Variants in PPP1R3D observed in about 807,000 individuals in gnomAD.
The protein encoded by PPP1R3D is PP1 subunit R6.
PPP1R3D carries 27 observed loss-of-function variants against 16.3 expected under a neutral mutation model. The ratio of observed to expected loss-of-function variants is 1.66; its 90% CI spans 1.22 to 2.29. The LOEUF (loss-of-function observed/expected upper bound fraction) is 2.29. Ranked by LOEUF, PPP1R3D falls within the 30% of genes most tolerant of loss-of-function variation. The pLI is 0.00. For synonymous variants in PPP1R3D, 223 were observed against 209.7 expected (o/e 1.06, Z -0.55); for missense variants, 472 against 438.3 (o/e 1.08, Z -0.69).
rs1601042291 is a variant in PPP1R3D, at chr20:59,939,882, CG to C, written c.49del (p.Arg17GlyfsTer322). 1 of 1,250,836 alleles carries C rather than the reference CG, an allele frequency of 8.0e-7. No homozygotes were observed. The highest frequency in any genetic ancestry group is 3.1e-5 in the East Asian group (1 of 31,930). The allele number at this position is 1,250,836 out of a possible 1,614,324, so 77.5% of individuals were successfully genotyped here. A position where few individuals can be genotyped will look rare whatever the true frequency, so the allele number is the denominator to read the frequency against. On this transcript the variant is annotated frameshift_variant, in exon 1 of 1. Transcript: ENST00000370996. LOFTEE classifies it high-confidence loss of function. ...GCTGAGGCTCCGGGGGCCGAGCTTCCGGGATCCCAGGGCGCTAGGCAGGACC... is the reference window on the plus strand; with the variant it reads ...GCTGAGGCTCCGGGGGCCGAGCTTCCGGATCCCAGGGCGCTAGGCAGGACC... ...SAVLPSALGS[R>X]KLGPRSLSCL... is the part of the protein sequence containing the mutation.
rs1332466912 is a variant in PPP1R3D at position 59,938,026 on chromosome 20, C to T, written c.*1006G>A. 6.6e-6 allele frequency: 1 copy of T among 152,202 alleles called. No individual in the cohort carries two copies. The highest frequency in any genetic ancestry group is 1.5e-5 in the Non-Finnish European group (1 of 68,032). The allele number at this position is 152,202 out of a possible 1,614,324, so 9.4% of individuals were successfully genotyped here. ...TTGCTGAAAACACCTTCTAGTTCCA[C>T]CTTGTAACTGGACTCCCAAAAGATG... On this transcript the variant is annotated 3_prime_UTR_variant, in exon 1 of 1. Transcript: ENST00000370996.
rs2060866994 is a variant in PPP1R3D, at chr20:59,937,073, C to T, written c.*1959G>A. On this transcript the variant is annotated 3_prime_UTR_variant, in exon 1 of 1. Transcript: ENST00000370996. ...TAATGTTGGTATTTTTTAAAAGGCA[C>T]GGGAGGTTCACTTAATATTAAATAT... is the stretch of plus-strand genomic sequence containing the variant. The T allele has an allele frequency of 1.3e-5, 2 of 152,520 alleles. No homozygotes were observed. Among genetic ancestry groups the T allele is most frequent in the Admixed American group, 6.5e-5 (1 of 15,272 alleles). The allele number at this position is 152,520 out of a possible 1,614,324, so 9.4% of individuals were successfully genotyped here.
rs1402302860 is a variant in PPP1R3D, at chr20:59,939,083, C to T, written c.849G>A (p.Ala283=). The part of the protein sequence containing the change: ...RDYSLTCRNH[A]LHMPRGECEE... ...CGCACTCCCCGCGAGGCATGTGCAG[C>T]GCGTGGTTGCGACATGTGAGGCTGT... Residue 283 remains alanine, a synonymous_variant, in exon 1 of 1, where the codon GCG becomes GCA. Transcript: ENST00000370996. 6.3e-7 allele frequency: 1 copy of T among 1,587,764 alleles called. No homozygotes were observed. Among genetic ancestry groups the T allele is most frequent in the Non-Finnish European group, 8.5e-7 (1 of 1,170,670 alleles).
chr20:59,937,653 GTCCT>G lies in PPP1R3D; in HGVS notation c.*1375_*1378del, dbSNP rs2060869960. 6.7e-6 allele frequency: 1 copy of G among 149,952 alleles called. No homozygotes were observed. The highest frequency in any genetic ancestry group is 1.5e-5 in the Non-Finnish European group (1 of 67,826). 9.3% of individuals were successfully genotyped at this position (149,952 alleles called of 1,614,324 possible). The stretch of plus-strand genomic sequence containing the variant: ...ATAAGCTTCACAAATTGGAGATCTT[GTCCT>G]TCCTGGCTGTTTTTTTTTTTTTCCC... On this transcript the variant is annotated 3_prime_UTR_variant, in exon 1 of 1. Coordinates refer to ENST00000370996, the MANE Select transcript of PPP1R3D (RefSeq NM_006242.4).
Position 59,939,810 on chromosome 20 carries a change from C to CA in PPP1R3D, c.121dup (p.Cys41LeufsTer2). 1 of 1,234,176 alleles carries CA rather than the reference C, an allele frequency of 8.1e-7. No homozygotes were observed. Among genetic ancestry groups the CA allele is most frequent in the Non-Finnish European group, 1.0e-6 (1 of 989,636 alleles). The allele number at this position is 1,234,176 out of a possible 1,614,324, so 76.5% of individuals were successfully genotyped here. On this transcript the variant is annotated frameshift_variant, in exon 1 of 1. Transcript: ENST00000370996. LOFTEE classifies it high-confidence loss of function. Reference sequence around the variant, plus strand: ...GCGGCCCGGGCTCCCAGGGGGCCTACAGGCCCGCGGCTCCAGGGCCACGCC... The same window carrying CA: ...GCGGCCCGGGCTCCCAGGGGGCCTACAAGGCCCGCGGCTCCAGGGCCACGCC...
rs919902603 is a variant in PPP1R3D, at chr20:59,936,816, T to C, written c.*2216A>G. The C allele has an allele frequency of 2.6e-5, 4 of 152,264 alleles. No individual in the cohort carries two copies. Among genetic ancestry groups the C allele is most frequent in the African/African-American group, 9.7e-5 (4 of 41,450 alleles). 9.4% of individuals were successfully genotyped at this position (152,264 alleles called of 1,614,324 possible). ...ACAAGAAAAACATACTGAAGCATAATAGAATGGCTCACAACTGTTTTTGCA... is the reference window on the plus strand; with the variant it reads ...ACAAGAAAAACATACTGAAGCATAACAGAATGGCTCACAACTGTTTTTGCA... On this transcript the variant is annotated 3_prime_UTR_variant, in exon 1 of 1. Transcript: ENST00000370996.
chr20:59,939,791 CG>C lies in PPP1R3D; in HGVS notation c.140del (p.Pro47ArgfsTer292). On this transcript the variant is annotated frameshift_variant, in exon 1 of 1. Coordinates refer to ENST00000370996, the MANE Select transcript of PPP1R3D (RefSeq NM_006242.4). LOFTEE classifies it high-confidence loss of function. ...CTGGCGTTGGCGGCGGCGCGCGGCC[CG>C]GGCTCCCAGGGGGCCTACAGGCCCG... ...EPRACRPPGS[P>X]GRAPPPTPAP... is the part of the protein sequence containing the mutation. 8.1e-7 allele frequency: 1 copy of C among 1,227,706 alleles called. No individual in the cohort carries two copies. Among genetic ancestry groups the C allele is most frequent in the African/African-American group, 1.6e-5 (1 of 64,160 alleles). The allele number at this position is 1,227,706 out of a possible 1,614,324, so 76.1% of individuals were successfully genotyped here. A position where few individuals can be genotyped will look rare whatever the true frequency, so the allele number is the denominator to read the frequency against.
In PPP1R3D at chr20:59,939,199, AG is replaced by A. The variant is rs1350459415; in HGVS notation, c.732del (p.Phe245SerfsTer94). On this transcript the variant is annotated frameshift_variant, in exon 1 of 1. Transcript: ENST00000370996. LOFTEE classifies it high-confidence loss of function. ...DVFTFGFPVP[P>X]FLLELGSRVH... is the part of the protein sequence containing the mutation. ...ACGCGGGAGCCGAGCTCCAGCAGGA[AG>A]GGCGGTACTGGAAAGCCGAAGGTGA... The A allele has an allele frequency of 6.2e-7, 1 of 1,608,808 alleles. No individual in the cohort carries two copies. Among genetic ancestry groups the A allele is most frequent in the Non-Finnish European group, 8.5e-7 (1 of 1,176,520 alleles).
chr20:59,938,959 G>T lies in PPP1R3D; in HGVS notation c.*73C>A. The stretch of plus-strand genomic sequence containing the variant: ...TGGTGAAGAACAACCAGATAGATGT[G>T]AGAGCCCAGCAGGGAAATGACAGGA... On this transcript the variant is annotated 3_prime_UTR_variant, in exon 1 of 1. Coordinates refer to ENST00000370996, the MANE Select transcript of PPP1R3D (RefSeq NM_006242.4). 7.2e-7 allele frequency: 1 copy of T among 1,389,812 alleles called. No homozygotes were observed. The allele number at this position is 1,389,812 out of a possible 1,614,324, so 86.1% of individuals were successfully genotyped here.
chr20:59,938,827 T>A lies in PPP1R3D; in HGVS notation c.*205A>T. 5.5e-6 allele frequency: 2 copies of A among 365,480 alleles called. No homozygotes were observed. Among genetic ancestry groups the A allele is most frequent in the Non-Finnish European group, 9.4e-6 (2 of 212,590 alleles). 22.6% of individuals were successfully genotyped at this position (365,480 alleles called of 1,614,324 possible). On this transcript the variant is annotated 3_prime_UTR_variant, in exon 1 of 1. Transcript: ENST00000370996. Reference sequence around the variant, plus strand: ...TACACAACTCGGCCTTCTGGCCACCTGAGGCTACTTTTTAGACCAAGTGAC... The same window carrying A: ...TACACAACTCGGCCTTCTGGCCACCAGAGGCTACTTTTTAGACCAAGTGAC...
chr20:59,939,355 C>T lies in PPP1R3D; in HGVS notation c.577G>A (p.Val193Met), dbSNP rs2060883486. ...TCGAAGGCCACGTTGCACACGCGCA[C>T]CGTACCGCTGATGCCAAGGTCCGAG... ...TCSDLGISGT[V>M]RVCNVAFEKQ... Residue 193 changes from valine to methionine, a missense_variant, in exon 1 of 1, where the codon GTG becomes ATG. Coordinates refer to ENST00000370996, the MANE Select transcript of PPP1R3D (RefSeq NM_006242.4). 6.2e-7 allele frequency: 1 copy of T among 1,610,918 alleles called. No homozygotes were observed. The highest frequency in any genetic ancestry group is 8.5e-7 in the Non-Finnish European group (1 of 1,179,726).
In PPP1R3D at chr20:59,939,008, C is replaced by T; in HGVS notation, c.*24G>A. 6.7e-7 allele frequency: 1 copy of T among 1,491,192 alleles called. No homozygotes were observed. The highest frequency in any genetic ancestry group is 2.2e-5 in the Admixed American group (1 of 44,912). The allele number at this position is 1,491,192 out of a possible 1,614,324, so 92.4% of individuals were successfully genotyped here. Reference sequence around the variant, plus strand: ...GAGGCGCAGCTTAGGTGTGGAGGCTCCAGGTGGCCGGTCCCCGCGCGGCTC... The same window carrying T: ...GAGGCGCAGCTTAGGTGTGGAGGCTTCAGGTGGCCGGTCCCCGCGCGGCTC... On this transcript the variant is annotated 3_prime_UTR_variant, in exon 1 of 1. Transcript: ENST00000370996.
At position 59,939,060 on chromosome 20, in the gene PPP1R3D, C is replaced by G; in HGVS notation, c.872G>C (p.Cys291Ser). Residue 291 changes from cysteine to serine, a missense_variant, in exon 1 of 1, where the codon TGC becomes TCC. Physicochemically the swap from Cys to Ser is moderately radical, Grantham distance 112. Coordinates refer to ENST00000370996, the MANE Select transcript of PPP1R3D (RefSeq NM_006242.4). ...NHALHMPRGECEESWIHFI is the reference protein window; with the variant it reads ...NHALHMPRGESEESWIHFI ...GATGAAGTGGATCCAGCTCTCTTCG[C>G]ACTCCCCGCGAGGCATGTGCAGCGC... 6.4e-7 allele frequency: 1 copy of G among 1,553,540 alleles called. No individual in the cohort carries two copies. Among genetic ancestry groups the G allele is most frequent in the Non-Finnish European group, 8.7e-7 (1 of 1,150,968 alleles).
Position 59,937,758 on chromosome 20 carries a change from GT to G in PPP1R3D, c.*1273del, listed in dbSNP as rs1198755170. Reference sequence around the variant, plus strand: ...ACTCCTCAGCCTGGAGTTCTTTGGAGTTTTAAGTGATTGCCTAACTCAGCAG... The same window carrying G: ...ACTCCTCAGCCTGGAGTTCTTTGGAGTTTAAGTGATTGCCTAACTCAGCAG... On this transcript the variant is annotated 3_prime_UTR_variant, in exon 1 of 1. Transcript: ENST00000370996. 1 of 152,366 alleles carries G rather than the reference GT, an allele frequency of 6.6e-6. No individual in the cohort carries two copies. Among genetic ancestry groups the G allele is most frequent in the Non-Finnish European group, 1.5e-5 (1 of 67,996 alleles). 9.4% of individuals were successfully genotyped at this position (152,366 alleles called of 1,614,324 possible).
At position 59,938,111 on chromosome 20, in the gene PPP1R3D, AG is replaced by A. The variant is rs1303378018; in HGVS notation, c.*920del. On this transcript the variant is annotated 3_prime_UTR_variant, in exon 1 of 1. Coordinates refer to ENST00000370996, the MANE Select transcript of PPP1R3D (RefSeq NM_006242.4). Reference sequence around the variant, plus strand: ...AAAATAGTCACCTTAATCATCAAAAAGGTAATTGCAAAGGGCACTGTTGCCT... The same window carrying A: ...AAAATAGTCACCTTAATCATCAAAAAGTAATTGCAAAGGGCACTGTTGCCT... 4 of 152,264 alleles carry A rather than the reference AG, an allele frequency of 2.6e-5. No individual in the cohort carries two copies. Among genetic ancestry groups the A allele is most frequent in the African/African-American group, 9.6e-5 (4 of 41,472 alleles). 9.4% of individuals were successfully genotyped at this position (152,264 alleles called of 1,614,324 possible).
Position 59,939,968 on chromosome 20 carries a change from G to C in PPP1R3D, c.-37C>G. 4 of 1,257,764 alleles carry C rather than the reference G, an allele frequency of 3.2e-6. No individual in the cohort carries two copies. Among genetic ancestry groups the C allele is most frequent in the Admixed American group, 3.8e-5 (1 of 25,990 alleles). The allele number at this position is 1,257,764 out of a possible 1,614,324, so 77.9% of individuals were successfully genotyped here. ...CCGTCGGAAGATGAGGCAGGGATGA[G>C]AGACGACCTCCCGACCCCGCGACAG... On this transcript the variant is annotated 5_prime_UTR_variant, in exon 1 of 1. Transcript: ENST00000370996.
rs772399329 is a variant in PPP1R3D, at chr20:59,938,388, T to TG, written c.*643dup. The TG allele has an allele frequency of 6.6e-6, 1 of 152,246 alleles. No homozygotes were observed. The highest frequency in any genetic ancestry group is 1.5e-5 in the Non-Finnish European group (1 of 68,042). 9.4% of individuals were successfully genotyped at this position (152,246 alleles called of 1,614,324 possible). A position where few individuals can be genotyped will look rare whatever the true frequency, so the allele number is the denominator to read the frequency against. On this transcript the variant is annotated 3_prime_UTR_variant, in exon 1 of 1. Transcript: ENST00000370996. ...CAGTCTCAATGCCCAGGAATGGTTG[T>TG]GTGATGACTGATAAAGCAGAAATTT...
chr20:59,936,727 A>C lies in PPP1R3D; in HGVS notation c.*2305T>G, dbSNP rs985226491. The C allele has an allele frequency of 2.6e-5, 4 of 152,250 alleles. No homozygotes were observed. The highest frequency in any genetic ancestry group is 9.6e-5 in the African/African-American group (4 of 41,468). 9.4% of individuals were successfully genotyped at this position (152,250 alleles called of 1,614,324 possible). Reference sequence around the variant, plus strand: ...CGTTTATCAGTGTTGTAGAAAGGATAAGACTTGCATGTGAAATGATTTAGA... The same window carrying C: ...CGTTTATCAGTGTTGTAGAAAGGATCAGACTTGCATGTGAAATGATTTAGA... On this transcript the variant is annotated 3_prime_UTR_variant, in exon 1 of 1. Transcript: ENST00000370996.
At position 59,939,122 on chromosome 20, in the gene PPP1R3D, G is replaced by C; in HGVS notation, c.810C>G (p.Asn270Lys). 2.5e-6 allele frequency: 4 copies of C among 1,582,014 alleles called. No homozygotes were observed. The highest frequency in any genetic ancestry group is 3.4e-6 in the Non-Finnish European group (4 of 1,166,862). ...QVAGAEYWDN[N>K]DHRDYSLTCR... ...ATGTGAGGCTGTAGTCTCGGTGGTC[G>C]TTGTTGTCCCAGTACTCGGCACCCG... is the stretch of plus-strand genomic sequence containing the variant. The change falls in exon 1 of 1, where the codon AAC becomes AAG. Residue 270 changes from asparagine to lysine, a missense_variant. By Grantham distance (94) the Asn-to-Lys change is moderately conservative (BLOSUM62 0). Transcript: ENST00000370996.
Sources: gnomAD v4.1 joint callset for allele counts on GRCh38, gnomAD v4.1.1 for gene constraint, MANE v1.5 for transcripts, NCBI Gene and HGNC (gene_info 2026-07-23, HGNC 2026-07-21) for gene names.